F11R: variants seen among roughly 807,000 people sequenced by gnomAD.
The protein encoded by F11R is junctional adhesion molecule A.
A neutral mutation model predicts 39.3 loss-of-function variants in F11R; 27 were observed. That is an observed-to-expected ratio of 0.69 (90% CI 0.51 to 0.95). The LOEUF (loss-of-function observed/expected upper bound fraction) is 0.95. F11R is among the 40% of genes least tolerant of loss of function. F11R has a pLI of 0.00. For missense variants in F11R, 335 were observed against 372.7 expected (o/e 0.90, Z 0.83); for synonymous variants, 131 against 144.9 (o/e 0.90, Z 0.69).
In F11R at chr1:161,020,999, T is replaced by TG; in HGVS notation, c.64+10dup. On this transcript the variant is annotated intron_variant, in intron 1 of 9. Coordinates refer to ENST00000368026, the MANE Select transcript of F11R (RefSeq NM_016946.6). Reference sequence around the variant, plus strand: ...GACCAACCGATTCCTCCCGAAACTCTGGGAACTTACACAACAGGATCGCCA... The same window carrying TG: ...GACCAACCGATTCCTCCCGAAACTCTGGGGAACTTACACAACAGGATCGCCA... The TG allele has an allele frequency of 6.2e-7, 1 of 1,613,776 alleles. No individual in the cohort carries two copies. The highest frequency in any genetic ancestry group is 8.5e-7 in the Non-Finnish European group (1 of 1,179,672).
intron 1 of F11R, among the ~76,000 whole-genome samples, chr1:161,009,539 T>C (rs1557893098): frequency 1.3e-5 from 2 of 152,034 alleles, no homozygotes; most frequent in African/African-American, 2.4e-5. Context: ...TCCTGGAAAT[T>C]ACTACGTACC....
rs182100154 is a variant in F11R, at chr1:161,019,322, G to A, written c.64+1688C>T. Among the ~76,000 whole-genome samples the A allele has an allele frequency of 2.1e-3, 323 of 152,140 alleles. 6 individuals are homozygous for A. The highest frequency in any genetic ancestry group is 0.021 in the Admixed American group (317 of 15,272). On this transcript the variant is annotated intron_variant, in intron 1 of 9. Coordinates refer to ENST00000368026, the MANE Select transcript of F11R (RefSeq NM_016946.6). Reference sequence around the variant, plus strand: ...GAAAAAAAGGAAGACATGGCCAGCCGCGGTGGCTCACACCTGTAATCCCAG... The same window carrying A: ...GAAAAAAAGGAAGACATGGCCAGCCACGGTGGCTCACACCTGTAATCCCAG...
In F11R at chr1:161,000,140, A is replaced by G. The variant is rs869985; in HGVS notation, c.591+6T>C. 1 of 1,612,806 alleles carries G rather than the reference A, an allele frequency of 6.2e-7. No individual in the cohort carries two copies. The highest frequency in any genetic ancestry group is 1.7e-5 in the Admixed American group (1 of 59,982). On this transcript the variant is annotated splice_donor_region_variant and intron_variant, in intron 5 of 9. Coordinates refer to ENST00000368026, the MANE Select transcript of F11R (RefSeq NM_016946.6). ...CACACATCTTTCACCACCACCCCAT[A>G]CATACCAGCTCTCCTGTTGTGGGAT...
intron 1 of F11R, among the ~76,000 whole-genome samples, chr1:161,017,319 G>T (rs1408785817): frequency 6.6e-6 from 1 of 152,168 alleles, no homozygotes; most frequent in Admixed American, 6.5e-5. Flanking sequence ...TGAGACAAGA[G>T]AAAGGCATCT....
At chr1:161,008,510 AAAAG>A (rs1356164983) in intron 1 of F11R, among the ~76,000 whole-genome samples, 4 of 152,072 alleles carry the variant, frequency 2.6e-5, no homozygotes, top group Non-Finnish European at 4.4e-5. Flanking sequence ...TCAAAAAAAA[AAAAG>A]AAAGTCCATT....
intron 1 of F11R, among the ~76,000 whole-genome samples, chr1:161,005,231 T>G (rs147801156): frequency 3.4e-4 from 52 of 151,630 alleles, no homozygotes; most frequent in African/African-American, 1.1e-3. Context: ...ATAGCTTTTA[T>G]TAAATTGAAA....
chr1:161,011,632 G>A (rs2101983891), intron 1 of F11R, among the ~76,000 whole-genome samples: 1 of 151,988 alleles, frequency 6.6e-6, no homozygotes, highest in East Asian at 1.9e-4. Flanking sequence ...TTGGGAGGCT[G>A]AGGCAGAGAA....
In F11R at chr1:160,996,570, A is replaced by C. The variant is rs952568556; in HGVS notation, c.*2301T>G. 6.6e-6 allele frequency: 1 copy of C among 152,292 alleles called. No homozygotes were observed. The highest frequency in any genetic ancestry group is 1.9e-4 in the East Asian group (1 of 5,198). The allele number at this position is 152,292 out of a possible 1,614,324, so 9.4% of individuals were successfully genotyped here. ...ATCAAGAGGTCAGGAGTTTGAGACC[A>C]GCCCGACCAACATGGTGAAACCCTG... On this transcript the variant is annotated 3_prime_UTR_variant, in exon 10 of 10. Coordinates refer to ENST00000368026, the MANE Select transcript of F11R (RefSeq NM_016946.6).
intron 1 of F11R, among the ~76,000 whole-genome samples, chr1:161,008,860 T>G (rs1648971396): frequency 6.6e-6 from 1 of 152,216 alleles, no homozygotes; most frequent in Admixed American, 6.5e-5. Flanking sequence ...ATTGCTTATA[T>G]GATAAAATCC....
At position 161,000,257 on chromosome 1, in the gene F11R, T is replaced by C; in HGVS notation, c.480A>G (p.Pro160=). 1 of 1,614,110 alleles carries C rather than the reference T, an allele frequency of 6.2e-7. No individual in the cohort carries two copies. Among genetic ancestry groups the C allele is most frequent in the Non-Finnish European group, 8.5e-7 (1 of 1,180,022 alleles). Residue 160 remains proline (P), a synonymous_variant, in exon 5 of 10, where the codon CCA becomes CCG. Transcript: ENST00000368026. ...CTTTGAACCAGGTGTATTCAGAAGG[T>C]GGGGAACCATCTTGTTCTGAGCATG... ...VLTCSEQDGS[P]PSEYTWFKDG...
chr1:161,005,390 C>T (rs1195439091), intron 1 of F11R, among the ~76,000 whole-genome samples: 1 of 112,858 alleles, frequency 8.9e-6, no homozygotes, highest in Admixed American at 9.1e-5. Flanking sequence ...TGCTTAGGGC[C>T]CAGTGTTGGC....
intron 1 of F11R, among the ~76,000 whole-genome samples, chr1:161,011,041 G>GT (rs139193211): frequency 2.1e-5 from 3 of 143,278 alleles, no homozygotes; most frequent in Non-Finnish European, 3.0e-5. Flanking sequence ...TTCATTGTTC[G>GT]TTTTTTTTGG....
In F11R at chr1:160,997,452, C is replaced by T. The variant is rs773359086; in HGVS notation, c.*1419G>A. Reference sequence around the variant, plus strand: ...GGCCAAGGAGATCCCCCAAGTACAGCATCAGCTTCACCCTGTGTACCTTCC... The same window carrying T: ...GGCCAAGGAGATCCCCCAAGTACAGTATCAGCTTCACCCTGTGTACCTTCC... On this transcript the variant is annotated 3_prime_UTR_variant, in exon 10 of 10. Transcript: ENST00000368026. The T allele has an allele frequency of 6.6e-6, 1 of 152,412 alleles. No individual in the cohort carries two copies. Among genetic ancestry groups the T allele is most frequent in the Non-Finnish European group, 1.5e-5 (1 of 68,080 alleles). 9.4% of individuals were successfully genotyped at this position (152,412 alleles called of 1,614,324 possible).
At chr1:161,004,685 G>C (rs933883525) in intron 1 of F11R, among the ~76,000 whole-genome samples, 2 of 151,366 alleles carry the variant, frequency 1.3e-5, no homozygotes, top group Non-Finnish European at 3.0e-5. Context: ...TTCCAGCCTG[G>C]GTGCCTGGGT....
In F11R at chr1:161,000,296, G is replaced by A; in HGVS notation, c.441C>T (p.Asn147=). The A allele has an allele frequency of 1.2e-6, 2 of 1,614,168 alleles. No homozygotes were observed. The highest frequency in any genetic ancestry group is 8.5e-7 in the Non-Finnish European group (1 of 1,180,038). The change falls in exon 5 of 10, where the codon AAC becomes AAT. Residue 147 remains asparagine, a synonymous_variant. Transcript: ENST00000368026. ...GTTCTGAGCATGTCAGCACTGCCCGGTTCCCAATGGTGGCAGAGGAGGGGA... is the reference window on the plus strand; with the variant it reads ...GTTCTGAGCATGTCAGCACTGCCCGATTCCCAATGGTGGCAGAGGAGGGGA... ...VNIPSSATIG[N]RAVLTCSEQD...
chr1:161,020,938 G>A, intron 1 of F11R, 72 bp downstream of exon 1: 1 of 1,371,282 alleles, frequency 7.3e-7, no homozygotes, highest in South Asian at 1.2e-5. Flanking sequence ...CCGCGGGCTA[G>A]GGGCGTGGGG....
intron 8 of F11R, 131 bp from the exon 9 acceptor site, chr1:160,999,222 G>GA (rs1648317885): frequency 2.8e-6 from 4 of 1,437,430 alleles, no homozygotes; most frequent in Non-Finnish European, 3.9e-6. Flanking sequence ...TATGGGTGGG[G>GA]TAACAGGACA....
In F11R at chr1:161,000,756, GTC is replaced by G. The variant is rs1557889724; in HGVS notation, c.261_262del (p.Thr88LeufsTer25). ...GAAGGTGATACCAGTTGGCAAGAAG[GTC>G]ACCCGGTCCTCATAGGAAGCTACCA... On this transcript the variant is annotated frameshift_variant, in exon 4 of 10. Transcript: ENST00000368026. LOFTEE classifies it high-confidence loss of function. The G allele has an allele frequency of 2.5e-6, 4 of 1,614,154 alleles. No homozygotes were observed. The highest frequency in any genetic ancestry group is 3.4e-6 in the Non-Finnish European group (4 of 1,180,034).
rs775037326 is a variant in F11R, at chr1:160,999,751, C to T, written c.695-4G>A. On this transcript the variant is annotated splice_polypyrimidine_tract_variant and splice_region_variant and intron_variant, in intron 6 of 9. Transcript: ENST00000368026. ...ATGACCCCCACATTCCGCTCCACTG[C>T]GAGACACAAATAAGAAGTCAGGCAC... 1.4e-5 allele frequency: 23 copies of T among 1,613,798 alleles called. No homozygotes were observed. In the South Asian group the frequency reaches 1.4e-4, roughly 10 times the overall value.
Sources: gnomAD v4.1 joint callset for allele counts (sites outside exome capture counted in the v4.1 genomes callset) on GRCh38, gnomAD v4.1.1 for gene constraint, MANE v1.5 for transcripts, NCBI Gene and HGNC (gene_info 2026-07-23, HGNC 2026-07-21) for gene names.